Variants in PDS5A observed in about 807,000 individuals in gnomAD.
PDS5A encodes the protein PDS5 cohesin associated factor A.
In PDS5A, 42 loss-of-function variants were observed where a neutral mutation model predicts 167.1. That is an observed-to-expected ratio of 0.25 (90% CI 0.20 to 0.33). The LOEUF (loss-of-function observed/expected upper bound fraction) is 0.33, where lower values mean the gene tolerates loss of function less well. Among genes scored for constraint, PDS5A ranks in the 10% least tolerant of loss-of-function variants. The pLI, the probability that PDS5A is intolerant of heterozygous loss-of-function variation, is 1.00. For synonymous variants in PDS5A, 553 were observed against 554.6 expected, an observed-to-expected ratio of 1.00 and a Z score of 0.04; for missense variants, 1,033 against 1,605.9, an observed-to-expected ratio of 0.64 and a Z score of 6.10.
intron 2 of PDS5A, among the ~76,000 whole-genome samples, chr4:39,960,560 T>C (rs1729387383): frequency 6.6e-6 from 1 of 152,140 alleles, no homozygotes; most frequent in Admixed American, 6.6e-5. Flanking sequence ...ATTTTTTTTT[T>C]TTAAGAGACA....
Position 39,902,912 on chromosome 4 carries a change from A to C in PDS5A, c.1386-452T>G, listed in dbSNP as rs76879757. On this transcript the variant is annotated intron_variant, in intron 12 of 32. Transcript: ENST00000303538. ...CACATACAATGGAAGATATCAGTTT[A>C]TAATGACTTCCTTCTTGGAAAGCTT... 5.8e-4 allele frequency among the ~76,000 whole-genome samples: 89 copies of C among 152,346 alleles called. No individual in the cohort carries two copies. The East Asian group carries it at 0.015, about 26-fold the overall frequency.
intron 2 of PDS5A, chr4:39,974,118 T>C: frequency 1.8e-6 from 1 of 564,092 alleles, no homozygotes; most frequent in Non-Finnish European, 3.5e-6. Flanking sequence ...CGAGACTCTG[T>C]CTCAAAAATA....
chr4:39,827,006 A>ATT (rs901435295), intron 32 of PDS5A, among the ~76,000 whole-genome samples: 2 of 145,632 alleles, frequency 1.4e-5, no homozygotes, highest in Non-Finnish European at 3.0e-5. Flanking sequence ...CTATTAAAGA[A>ATT]TTTTTTTTTT....
intron 32 of PDS5A, among the ~76,000 whole-genome samples, chr4:39,833,248 C>T (rs1304056814): frequency 7.2e-6 from 1 of 139,572 alleles, no homozygotes; most frequent in East Asian, 2.1e-4. Context: ...CCTATCAGAG[C>T]AATAGGATTC....
intron 26 of PDS5A, among the ~76,000 whole-genome samples, chr4:39,857,267 G>C (rs1406677720): frequency 6.6e-6 from 1 of 151,676 alleles, no homozygotes; most frequent in African/African-American, 2.4e-5. Context: ...CAGAAGAATG[G>C]CGTGAACCCG....
At chr4:39,910,061 T>C (rs1325438633) in intron 10 of PDS5A, 183 bp downstream of exon 10, 12 of 457,296 alleles carry the variant, frequency 2.6e-5, no homozygotes, top group East Asian at 1.3e-4. Context: ...AACAAACAAA[T>C]AAAGAGATTT....
intron 6 of PDS5A, among the ~76,000 whole-genome samples, chr4:39,921,137 T>C (rs974035027): frequency 6.6e-6 from 1 of 152,098 alleles, no homozygotes; most frequent in African/African-American, 2.4e-5. Context: ...TCAGCAAACT[T>C]TTTCTATGAA....
At chr4:39,967,152 A>G (rs1274377823) in intron 2 of PDS5A, among the ~76,000 whole-genome samples, 3 of 151,364 alleles carry the variant, frequency 2.0e-5, no homozygotes, top group Non-Finnish European at 2.9e-5. Flanking sequence ...CAAAATATAA[A>G]AAGTTAGCTA....
intron 20 of PDS5A, among the ~76,000 whole-genome samples, chr4:39,873,607 T>C (rs1035682855): frequency 6.6e-6 from 1 of 151,656 alleles, no homozygotes; most frequent in Non-Finnish European, 1.5e-5. Context: ...TCATTATATG[T>C]AAAAAAAAGG....
chr4:39,898,498 T>C lies in PDS5A; in HGVS notation c.1661A>G (p.Asp554Gly). The C allele has an allele frequency of 6.3e-7, 1 of 1,597,930 alleles. No individual in the cohort carries two copies. The highest frequency in any genetic ancestry group is 1.7e-5 in the Admixed American group (1 of 58,216). ...AACCTGGTTAAATTTCTTCACAAAA[T>C]CTTGTGCTTTCCCGGGGTCAGGCAA... ...KNLPDPGKAQ[D>G]FVKKFNQVLG... The change falls in exon 16 of 33, where the codon GAT (aspartate) becomes GGT (glycine). Residue 554 changes from aspartate (D) to glycine (G), a missense_variant. Asp to Gly is a moderately conservative substitution (Grantham distance 94). This residue lies in a region of PDS5A where 367 missense variants were observed against 686.7 expected (regional missense o/e 0.53). Coordinates refer to ENST00000303538, the MANE Select transcript of PDS5A (RefSeq NM_001100399.2).
At position 39,898,425 on chromosome 4, in the gene PDS5A, G is replaced by A. The variant is rs561978755; in HGVS notation, c.1734C>T (p.Ser578=). 1 of 1,588,516 alleles carries A rather than the reference G, an allele frequency of 6.3e-7. No individual in the cohort carries two copies. Among genetic ancestry groups the A allele is most frequent in the Non-Finnish European group, 8.6e-7 (1 of 1,166,232 alleles). The change falls in exon 16 of 33, where the codon AGC becomes AGT. Residue 578 remains serine, a synonymous_variant. Coordinates refer to ENST00000303538, the MANE Select transcript of PDS5A (RefSeq NM_001100399.2). ...KLRSQLELLI[S]PTCSCKQADI... is the part of the protein sequence containing the mutation. The stretch of plus-strand genomic sequence containing the variant: ...CTGCTTGTTTGCAAGAACAGGTTGG[G>A]CTAATTAATAACTCCAACTGAGACC...
At chr4:39,924,294 T>C (rs1725267466) in intron 5 of PDS5A, among the ~76,000 whole-genome samples, 1 of 152,138 alleles carries the variant, frequency 6.6e-6, no homozygotes, top group African/African-American at 2.4e-5. Context: ...ATGAGCTAAA[T>C]AAAATGGTGG....
At chr4:39,831,217 G>C (rs530093910) in intron 32 of PDS5A, among the ~76,000 whole-genome samples, 54 of 152,272 alleles carry the variant, frequency 3.5e-4, no homozygotes, top group African/African-American at 1.3e-3. Context: ...TTCTGCCTCA[G>C]CCTACTGAGT....
chr4:39,851,586 C>A (rs1480833148), intron 26 of PDS5A, among the ~76,000 whole-genome samples: 1 of 152,176 alleles, frequency 6.6e-6, no homozygotes, highest in Non-Finnish European at 1.5e-5. Context: ...CCACTCCTGG[C>A]TATCTAAATA....
chr4:39,913,600 T>C lies in PDS5A; in HGVS notation c.992+11A>G. The C allele has an allele frequency of 1.4e-6, 2 of 1,416,606 alleles. No homozygotes were observed. Among genetic ancestry groups the C allele is most frequent in the Non-Finnish European group, 2.0e-6 (2 of 999,772 alleles). 87.8% of individuals were successfully genotyped at this position (1,416,606 alleles called of 1,614,324 possible). Reference sequence around the variant, plus strand: ...CTAAAATATAAACATCAGAATTATATGTTCTCTTACCGTCCAAGAAAACAT... The same window carrying C: ...CTAAAATATAAACATCAGAATTATACGTTCTCTTACCGTCCAAGAAAACAT... On this transcript the variant is annotated intron_variant, in intron 9 of 32. Transcript: ENST00000303538.
chr4:39,867,430 C>T (rs556104613), intron 22 of PDS5A, among the ~76,000 whole-genome samples: 8 of 151,674 alleles, frequency 5.3e-5, no homozygotes, highest in Non-Finnish European at 8.8e-5. Context: ...TGGTGACTCA[C>T]GCCTGTAATC....
At chr4:39,843,496 G>GGC (rs1717253336) in intron 30 of PDS5A, among the ~76,000 whole-genome samples, 1 of 152,256 alleles carries the variant, frequency 6.6e-6, no homozygotes, top group Admixed American at 6.5e-5. Context: ...CACTTTGGGA[G>GGC]TCCAAGGTGG....
intron 19 of PDS5A, among the ~76,000 whole-genome samples, chr4:39,876,190 C>T (rs1480718076): frequency 6.6e-6 from 1 of 152,034 alleles, no homozygotes; most frequent in Non-Finnish European, 1.5e-5. Context: ...AAAAACTATC[C>T]TATTGTGTCA....
intron 5 of PDS5A, 81 bp from the exon 6 acceptor site, chr4:39,922,829 C>A: frequency 7.5e-7 from 1 of 1,326,700 alleles, no homozygotes; most frequent in East Asian, 2.6e-5. Context: ...AATTAAACGT[C>A]CTAGTTTAAA....
Sources: allele counts gnomAD v4.1 joint callset (sites outside exome capture counted in the v4.1 genomes callset), GRCh38; gene constraint gnomAD v4.1.1; regional missense constraint gnomAD v4.1.1; transcripts MANE v1.5; gene names NCBI Gene and HGNC (gene_info 2026-07-23, HGNC 2026-07-21).